MRO: variants seen among roughly 807,000 people sequenced by gnomAD.
The protein encoded by MRO is maestro.
MRO carries 28 observed loss-of-function variants against 31.0 expected under a neutral mutation model. The observed-to-expected ratio is 0.90, with a 90% confidence interval of 0.67 to 1.24. The LOEUF (loss-of-function observed/expected upper bound fraction) is 1.24, where lower values mean the gene tolerates loss of function less well. MRO is among the 50% of genes most tolerant of loss of function. The pLI is 0.00. For synonymous variants in MRO, 108 were observed against 108.4 expected (o/e 1.00, Z 0.02); for missense variants, 332 against 289.2 (o/e 1.15, Z -1.07).
intron 2 of MRO, among the ~76,000 whole-genome samples, chr18:50,811,142 T>C (rs1359426976): frequency 6.6e-6 from 1 of 152,190 alleles, no homozygotes; most frequent in Non-Finnish European, 1.5e-5. Flanking sequence ...AGAGGCTAGC[T>C]AAAGGCCAGC....
chr18:50,815,685 C>T (rs149227110), intron 2 of MRO: 24 of 409,646 alleles, frequency 5.9e-5, no homozygotes, highest in Admixed American at 3.3e-4. Context: ...CTGTGGTGAC[C>T]GTTATGGATC....
At chr18:50,814,850 A>T (rs1452866499) in intron 2 of MRO, 5 of 153,232 alleles carry the variant, frequency 3.3e-5, no homozygotes, top group African/African-American at 1.2e-4. Context: ...ACTTGAGCTC[A>T]GGAGTTCGAG....
chr18:50,821,630 C>T (rs1375988919), upstream of MRO, among the ~76,000 whole-genome samples: 1 of 152,078 alleles, frequency 6.6e-6, no homozygotes, highest in Non-Finnish European at 1.5e-5. Flanking sequence ...AATTTACATC[C>T]CCTCCTCCCC....
chr18:50,822,657 C>T (rs1029403157), upstream of MRO, among the ~76,000 whole-genome samples: 5 of 152,054 alleles, frequency 3.3e-5, no homozygotes, highest in Non-Finnish European at 7.4e-5. Context: ...ATTTAAGTTT[C>T]CTCCCTCTCA....
intron 2 of MRO, among the ~76,000 whole-genome samples, chr18:50,819,008 G>C (rs1421903185): frequency 6.6e-6 from 1 of 152,052 alleles, no homozygotes; most frequent in Admixed American, 6.5e-5. Context: ...AGCCGAGATC[G>C]GGCCACCGCA....
intron 3 of MRO, 108 bp from the exon 4 acceptor site, chr18:50,806,958 T>A: frequency 8.8e-7 from 1 of 1,132,830 alleles, no homozygotes; most frequent in Non-Finnish European, 1.3e-6. Flanking sequence ...TGCTCAATTT[T>A]ACCCCTTCTT....
intron 5 of MRO, among the ~76,000 whole-genome samples, chr18:50,803,028 C>T (rs1452999743): frequency 6.6e-6 from 1 of 152,020 alleles, no homozygotes; most frequent in Non-Finnish European, 1.5e-5. Flanking sequence ...CAGATGCTCG[C>T]CCCGCTAGGA....
chr18:50,801,611 C>T, intron 5 of MRO, 107 bp from the exon 6 acceptor site: 5 of 1,056,250 alleles, frequency 4.7e-6, no homozygotes, highest in Non-Finnish European at 5.5e-6. Flanking sequence ...AGCCGTCAAT[C>T]AGAACACATC....
intron 3 of MRO, among the ~76,000 whole-genome samples, chr18:50,808,260 A>G (rs1914127303): frequency 6.6e-6 from 1 of 152,260 alleles, no homozygotes; most frequent in African/African-American, 2.4e-5. Context: ...CTAGAGTCAG[A>G]ATCAAGATGA....
In MRO at chr18:50,820,014, T is replaced by A; in HGVS notation, c.-244A>T. The stretch of plus-strand genomic sequence containing the variant: ...CTGCAGAAATTCTGCAGATGGCAAT[T>A]CTGGGGACCTTTCCTCTGCACCAAA... On this transcript the variant is annotated 5_prime_UTR_variant, in exon 1 of 8. Coordinates refer to ENST00000398439, the MANE Select transcript of MRO (RefSeq NM_031939.6). The A allele has an allele frequency of 3.4e-6, 5 of 1,482,448 alleles. No individual in the cohort carries two copies. Among genetic ancestry groups the A allele is most frequent in the Non-Finnish European group, 4.6e-6 (5 of 1,084,992 alleles). 91.8% of individuals were successfully genotyped at this position (1,482,448 alleles called of 1,614,324 possible). A position where few individuals can be genotyped will look rare whatever the true frequency, so the allele number is the denominator to read the frequency against.
intron 6 of MRO, among the ~76,000 whole-genome samples, 177 bp from the exon 7 acceptor site, chr18:50,800,320 A>T (rs539375468): frequency 3.3e-5 from 5 of 152,184 alleles, no homozygotes; most frequent in Admixed American, 1.3e-4. Context: ...TAAAATGGCC[A>T]TGTCTATAAT....
At chr18:50,807,833 T>C (rs547228607) in intron 3 of MRO, among the ~76,000 whole-genome samples, 1 of 152,328 alleles carries the variant, frequency 6.6e-6, no homozygotes, top group South Asian at 2.1e-4. Flanking sequence ...ATCCCAGCAC[T>C]TTGGGAGGCC....
Position 50,800,115 on chromosome 18 carries a change from G to A in MRO, c.614C>T (p.Ser205Phe). 1 of 1,613,188 alleles carries A rather than the reference G, an allele frequency of 6.2e-7. No individual in the cohort carries two copies. Among genetic ancestry groups the A allele is most frequent in the Non-Finnish European group, 8.5e-7 (1 of 1,179,354 alleles). Residue 205 changes from serine to phenylalanine, a missense_variant, in exon 7 of 8, where the codon TCT becomes TTT. Physicochemically the swap from Ser to Phe is radical, Grantham distance 155 (BLOSUM62 -2). Coordinates refer to ENST00000398439, the MANE Select transcript of MRO (RefSeq NM_031939.6). ...KACKTTFQAC[S>F]PYLKLKEEYS... is the part of the protein sequence containing the mutation. ...TTCCTCCTTTAGTTTCAGATATGGA[G>A]AACAGGCTTGAAATGTTGTTTTGCA...
chr18:50,820,055 A>G, upstream of MRO: 3 of 1,201,268 alleles, frequency 2.5e-6, no homozygotes, highest in Non-Finnish European at 3.6e-6. Flanking sequence ...CCTCCCTGCC[A>G]AGGCCCGTTC....
chr18:50,811,235 A>T (rs1914445440), intron 2 of MRO, among the ~76,000 whole-genome samples: 1 of 152,208 alleles, frequency 6.6e-6, no homozygotes. Context: ...CTTTTAATTT[A>T]GGTGAAATCC....
chr18:50,801,105 C>A (rs912547278), intron 6 of MRO, among the ~76,000 whole-genome samples: 1 of 152,148 alleles, frequency 6.6e-6, no homozygotes, highest in Non-Finnish European at 1.5e-5. Flanking sequence ...AACCCCATTA[C>A]CCTGAGCTTA....
intron 2 of MRO, among the ~76,000 whole-genome samples, chr18:50,817,355 G>A (rs1351591797): frequency 1.3e-5 from 2 of 152,028 alleles, no homozygotes; most frequent in African/African-American, 4.8e-5. Flanking sequence ...CAAGCCAGAG[G>A]TGGGTGCAGT....
chr18:50,802,712 T>C (rs2847535), intron 5 of MRO, among the ~76,000 whole-genome samples: 57,638 of 151,514 alleles, frequency 0.38, 11,094 homozygotes, highest in South Asian at 0.6. Flanking sequence ...GGGTTTTTGT[T>C]TTTTTTTGTT....
At chr18:50,822,133 ACT>A (rs972341731), upstream of MRO, among the ~76,000 whole-genome samples, 1 of 152,102 alleles carries the variant, frequency 6.6e-6, no homozygotes, top group African/African-American at 2.4e-5. Context: ...GGATTTAATG[ACT>A]CTATTTTCAT....
Sources: allele counts gnomAD v4.1 joint callset (sites outside exome capture counted in the v4.1 genomes callset), GRCh38; gene constraint gnomAD v4.1.1; transcripts MANE v1.5; gene names NCBI Gene and HGNC (gene_info 2026-07-23, HGNC 2026-07-21).